SOX6: variants seen among roughly 807,000 people sequenced by gnomAD.
The protein encoded by SOX6 is SRY-box transcription factor 6, also known as transcription factor SOX-6.
A neutral mutation model predicts 97.8 loss-of-function variants in SOX6; 11 were observed. That is an observed-to-expected ratio of 0.11 (90% confidence interval 0.07 to 0.19). The LOEUF is 0.19. Ranked by LOEUF, SOX6 falls within the 10% of genes least tolerant of loss-of-function variation. The pLI is 1.00. For synonymous variants in SOX6, 360 were observed against 371.4 expected, an observed-to-expected ratio of 0.97 and a Z score of 0.35; for missense variants, 810 against 1,039.5, an observed-to-expected ratio of 0.78 and a Z score of 3.04.
chr11:16,304,082 A>G (rs893620255), intron 3 of SOX6, among the ~76,000 whole-genome samples: 3 of 151,870 alleles, frequency 2.0e-5, no homozygotes, highest in African/African-American at 7.3e-5. Flanking sequence ...TGCCCTGTTA[A>G]TTTTTGTATT....
At chr11:16,493,722 T>C (rs572104474) in intron 4 of SOX6, among the ~76,000 whole-genome samples, 94 of 152,306 alleles carry the variant, frequency 6.2e-4, no homozygotes, top group African/African-American at 2.2e-3. Context: ...ATTCAAATGA[T>C]AAAAATACAA....
At chr11:16,409,364 T>C (rs1406733488) in intron 1 of SOX6, among the ~76,000 whole-genome samples, 2 of 151,198 alleles carry the variant, frequency 1.3e-5, no homozygotes, top group East Asian at 1.9e-4. Flanking sequence ...TCTTTAAAGA[T>C]AAAAATATTT....
intron 3 of SOX6, among the ~76,000 whole-genome samples, chr11:16,672,626 C>A (rs986131387): frequency 1.3e-5 from 2 of 152,146 alleles, no homozygotes; most frequent in Admixed American, 1.3e-4. Context: ...ACACAAAAGA[C>A]CCGCCCCCAT....
At chr11:16,219,517 C>T (rs1039892900) in intron 4 of SOX6, among the ~76,000 whole-genome samples, 4 of 151,938 alleles carry the variant, frequency 2.6e-5, no homozygotes, top group Non-Finnish European at 5.9e-5. Context: ...GAAAGGGAAT[C>T]ACAAGTAAAC....
rs1295467076 is a variant in SOX6 at position 16,300,185 on chromosome 11, A to G, written c.445+18261T>C. On this transcript the variant is annotated intron_variant, in intron 3 of 15. Coordinates refer to ENST00000683767, the MANE Select transcript of SOX6 (RefSeq NM_001367873.1). The surrounding 1 kb of genome is among the most constrained non-coding windows in gnomAD (Gnocchi z 4.1). ...CCAGTACTTGGGGTGTCTAATGGCC[A>G]CAATACAAAGTTGTTCAAATTATTT... Among the ~76,000 whole-genome samples, 1 of 152,166 alleles carries G rather than the reference A, an allele frequency of 6.6e-6. No homozygotes were observed. The highest frequency in any genetic ancestry group is 2.4e-5 in the African/African-American group (1 of 41,438).
At chr11:16,440,190 CCTCAGCTTTGAA>C (rs1286654657) in intron 1 of SOX6, among the ~76,000 whole-genome samples, 1 of 152,128 alleles carries the variant, frequency 6.6e-6, no homozygotes, top group Non-Finnish European at 1.5e-5. Context: ...AGCATTAGCA[CCTCAGCTTTGAA>C]CACCAGCCAT....
intron 11 of SOX6, among the ~76,000 whole-genome samples, chr11:16,048,470 A>G (rs1355078978): frequency 2.0e-5 from 3 of 152,168 alleles, no homozygotes; most frequent in Non-Finnish European, 2.9e-5. Flanking sequence ...CAAAAAGAAC[A>G]CTTGAGTAAC....
At chr11:16,295,283 CA>C (rs1414718401) in intron 3 of SOX6, among the ~76,000 whole-genome samples, 2 of 151,876 alleles carry the variant, frequency 1.3e-5, no homozygotes, top group African/African-American at 4.8e-5. Flanking sequence ...GAGCATAAAC[CA>C]TTTTCATTAT....
At chr11:16,184,358 A>G (rs1851416949) in intron 5 of SOX6, among the ~76,000 whole-genome samples, 1 of 152,156 alleles carries the variant, frequency 6.6e-6, no homozygotes, top group East Asian at 1.9e-4. Context: ...TTATTGCTTA[A>G]TATGGTCTAT....
chr11:16,236,000 A>G (rs562673671), intron 3 of SOX6, among the ~76,000 whole-genome samples: 1 of 152,234 alleles, frequency 6.6e-6, no homozygotes, highest in South Asian at 2.1e-4. Flanking sequence ...CGAACTGGCT[A>G]TCACAGAGCT....
intron 4 of SOX6, among the ~76,000 whole-genome samples, chr11:16,191,854 TTTTTTTTC>T (rs1340481988): frequency 1.3e-4 from 11 of 86,110 alleles, no homozygotes; most frequent in African/African-American, 2.6e-4. Context: ...TTTTTTTTTC[TTTTTTTTC>T]TTTTTTTTTC....
chr11:16,570,761 A>G (rs146099151), intron 4 of SOX6, among the ~76,000 whole-genome samples: 187 of 152,336 alleles, frequency 1.2e-3, no homozygotes, highest in Middle Eastern at 6.8e-3. Context: ...ATAAATACAC[A>G]TACTAGAAAC....
Position 16,097,644 on chromosome 11 carries a change from C to T in SOX6, c.943G>A (p.Ala315Thr). The change falls in exon 8 of 16, where the codon GCT becomes ACT. Residue 315 changes from alanine (A) to threonine (T), a missense_variant. Ala to Thr is a moderately conservative substitution (Grantham distance 58, BLOSUM62 0). Around this residue, in one of 9 missense-constraint regions of SOX6, gnomAD observed 244 missense variants for 261.0 expected, o/e 0.93. Transcript: ENST00000683767. ...AAAGGGCTGAGTCCAGAAGCAGCAGCAGCTGCCATTGTTGATGGAATGAAC... is the reference window on the plus strand; with the variant it reads ...AAAGGGCTGAGTCCAGAAGCAGCAGTAGCTGCCATTGTTGATGGAATGAAC... ...VQFIPSTMAA[A>T]AASGLSPLQL... The T allele has an allele frequency of 1.2e-6, 2 of 1,611,258 alleles. No homozygotes were observed. Among genetic ancestry groups the T allele is most frequent in the East Asian group, 2.2e-5 (1 of 44,810 alleles).
chr11:16,141,433 A>G (rs1056096459), intron 6 of SOX6, among the ~76,000 whole-genome samples: 1 of 152,172 alleles, frequency 6.6e-6, no homozygotes, highest in African/African-American at 2.4e-5. Flanking sequence ...AGCTCCCAGC[A>G]TGAGCAACGC....
chr11:16,232,406 T>A (rs564546011), intron 4 of SOX6, among the ~76,000 whole-genome samples: 1 of 152,012 alleles, frequency 6.6e-6, no homozygotes, highest in Non-Finnish European at 1.5e-5. Context: ...TTTATGCCCA[T>A]AAGAAACTCA....
At chr11:16,238,292 T>C (rs1018847046) in intron 3 of SOX6, among the ~76,000 whole-genome samples, 1 of 152,044 alleles carries the variant, frequency 6.6e-6, no homozygotes, top group Non-Finnish European at 1.5e-5. Context: ...AGCTTTTCTC[T>C]TTCAAGAAAT....
chr11:16,252,137 G>A (rs746485104), intron 3 of SOX6, among the ~76,000 whole-genome samples: 1 of 152,112 alleles, frequency 6.6e-6, no homozygotes, highest in Admixed American at 6.5e-5. Context: ...ATATTATCCT[G>A]GTGATCTTAG....
intron 4 of SOX6, among the ~76,000 whole-genome samples, chr11:16,208,348 T>C (rs1165276522): frequency 1.3e-5 from 2 of 152,188 alleles, no homozygotes; most frequent in Admixed American, 6.5e-5. Flanking sequence ...AAAACTACTT[T>C]TCTAATAATA....
At position 16,633,732 on chromosome 11, in the gene SOX6, G is replaced by C. The variant is rs184284602; in HGVS notation, n.430-21472C>G. The stretch of plus-strand genomic sequence containing the variant: ...AAGAATCCTGAATAGGAGACTGTCA[G>C]GGAACAGGAACTCCAAATTCCATAT... On this transcript the variant is annotated intron_variant and non_coding_transcript_variant, in intron 3 of 5. Coordinates refer to the SOX6 transcript ENST00000524520. 7.9e-3 allele frequency among the ~76,000 whole-genome samples: 1,199 copies of C among 152,306 alleles called. 14 individuals carry two copies. The highest frequency in any genetic ancestry group is 0.028 in the African/African-American group (1,143 of 41,560).
Sources: gnomAD v4.1 joint callset for allele counts (sites outside exome capture counted in the v4.1 genomes callset) on GRCh38, gnomAD v4.1.1 for gene constraint, gnomAD v4.1.1 regional missense constraint, Gnocchi (gnomAD v3.1) non-coding constraint, MANE v1.5 for transcripts, NCBI Gene and HGNC (gene_info 2026-07-23, HGNC 2026-07-21) for gene names.